NBN: variants seen among roughly 807,000 people sequenced by gnomAD.
NBN encodes nibrin, also known as Nijmegen breakage syndrome 1 (nibrin).
In NBN, 88 loss-of-function variants were observed where a neutral mutation model predicts 90.8. The ratio of observed to expected loss-of-function variants is 0.97; its 90% CI spans 0.82 to 1.16. NBN has a LOEUF of 1.16. Ranked by LOEUF, NBN falls within the 50% of genes most tolerant of loss-of-function variation. NBN has a pLI of 0.00. For missense variants in NBN, 894 were observed against 869.6 expected (o/e 1.03, Z -0.35); for synonymous variants, 328 against 295.1 (o/e 1.11, Z -1.14).
At chr8:89,950,969 G>A (rs991805803) in intron 11 of NBN, among the ~76,000 whole-genome samples, 13 of 151,978 alleles carry the variant, frequency 8.6e-5, no homozygotes, top group African/African-American at 3.1e-4. Flanking sequence ...ACCATTTCCA[G>A]ATAGATTTGT....
chr8:89,950,319 C>T (rs1810390297), intron 11 of NBN, among the ~76,000 whole-genome samples: 1 of 152,092 alleles, frequency 6.6e-6, no homozygotes. Context: ...TAGGCACATC[C>T]TCTCATATAC....
chr8:89,976,744 A>G (rs1165937183), intron 5 of NBN, among the ~76,000 whole-genome samples: 1 of 152,198 alleles, frequency 6.6e-6, no homozygotes, highest in African/African-American at 2.4e-5. Context: ...TCTGCGGGTC[A>G]GACCTGGCAC....
chr8:89,978,049 T>G (rs1371788788), intron 5 of NBN, among the ~76,000 whole-genome samples, 171 bp downstream of exon 5: 3 of 152,188 alleles, frequency 2.0e-5, no homozygotes, highest in African/African-American at 7.2e-5. Flanking sequence ...ACAAAGAAAT[T>G]TGGGGAACTC....
In NBN at chr8:89,946,217, T is replaced by C. The variant is rs1554556544; in HGVS notation, c.1993A>G (p.Lys665Glu). ...GATGGATTTCTGGAAGTAGAGTTTT[T>C]AATCACCAGTGATCTAAATTCAGTC... ...LLTEFRSLVI[K>E]NSTSRNPSGI... The change falls in exon 13 of 16, where the codon AAA becomes GAA. Residue 665 changes from lysine (K) to glutamate (E), a missense_variant. Coordinates refer to ENST00000265433, the MANE Select transcript of NBN (RefSeq NM_002485.5). The C allele has an allele frequency of 6.3e-7, 1 of 1,596,012 alleles. No individual in the cohort carries two copies. The highest frequency in any genetic ancestry group is 8.6e-7 in the Non-Finnish European group (1 of 1,163,884).
intron 7 of NBN, among the ~76,000 whole-genome samples, chr8:89,967,396 G>A (rs910383804): frequency 2.0e-5 from 3 of 152,190 alleles, no homozygotes; most frequent in Non-Finnish European, 2.9e-5. Context: ...GGGTAACCAC[G>A]TAAGTTATTT....
rs1317808216 is a variant in NBN at position 89,934,285 on chromosome 8, AT to A, written c.*1296del. 2 of 232,388 alleles carry A rather than the reference AT, an allele frequency of 8.6e-6. No individual in the cohort carries two copies. The highest frequency in any genetic ancestry group is 4.4e-5 in the African/African-American group (2 of 45,332). 14.4% of individuals were successfully genotyped at this position (232,388 alleles called of 1,614,324 possible). ...TATCCAATGTCATACCACTATCATA[AT>A]TTAAGTGTTCATAACTCTCTATAAT... On this transcript the variant is annotated 3_prime_UTR_variant, in exon 16 of 16. Transcript: ENST00000265433.
chr8:89,960,660 A>G (rs543187176), intron 8 of NBN, among the ~76,000 whole-genome samples: 4 of 152,098 alleles, frequency 2.6e-5, no homozygotes, highest in Non-Finnish European at 5.9e-5. Context: ...AATAATAATA[A>G]TAATAATAAG....
chr8:89,983,396 C>T lies in NBN; in HGVS notation c.38-541G>A, dbSNP rs146504421. ...GCAGTGAGCCGACACAGTGCCACTG[C>T]ACTCCAGCCTCGGTGACAGAGTGAG... is the stretch of plus-strand genomic sequence containing the variant. On this transcript the variant is annotated intron_variant, in intron 1 of 15. Transcript: ENST00000265433. Among the ~76,000 whole-genome samples, 4 of 151,260 alleles carry T rather than the reference C, an allele frequency of 2.6e-5. No individual in the cohort carries two copies. The East Asian group carries it at 7.8e-4, about 29-fold the overall frequency.
At chr8:89,980,648 A>G (rs1292849248) in intron 4 of NBN, 86 bp downstream of exon 4, 1 of 1,130,894 alleles carries the variant, frequency 8.8e-7, no homozygotes, top group Non-Finnish European at 1.3e-6. Context: ...ATAGTTTTAA[A>G]GTAATTAAAA....
chr8:89,934,944 C>T lies in NBN; in HGVS notation c.*638G>A, dbSNP rs976356195. 5.2e-5 allele frequency: 12 copies of T among 232,868 alleles called. No individual in the cohort carries two copies. In the East Asian group the frequency reaches 7.3e-4, roughly 14 times the overall value. The allele number at this position is 232,868 out of a possible 1,614,324, so 14.4% of individuals were successfully genotyped here. The stretch of plus-strand genomic sequence containing the variant: ...AAACTAAACCCATGTTTGATGAAGT[C>T]TCCACATGGTCTTCAGTTTCTAGTA... On this transcript the variant is annotated 3_prime_UTR_variant, in exon 16 of 16. Coordinates refer to ENST00000265433, the MANE Select transcript of NBN (RefSeq NM_002485.5).
rs751876787 is a variant in NBN, at chr8:89,955,359, T to C, written c.1321A>G (p.Lys441Glu). 1.9e-6 allele frequency: 3 copies of C among 1,613,762 alleles called. No individual in the cohort carries two copies. Among genetic ancestry groups the C allele is most frequent in the African/African-American group, 2.7e-5 (2 of 74,916 alleles). ...LSPTKLPSIN[K>E]SKDRASQQQQ... is the part of the protein sequence containing the mutation. Reference sequence around the variant, plus strand: ...TGCTGAGAAGCCCTATCTTTACTTTTATTTATACTTGGCAATTTAGTTGGT... The same window carrying C: ...TGCTGAGAAGCCCTATCTTTACTTTCATTTATACTTGGCAATTTAGTTGGT... Residue 441 changes from lysine (K) to glutamate (E), a missense_variant, in exon 10 of 16, where the codon AAA becomes GAA. Transcript: ENST00000265433.
intron 10 of NBN, among the ~76,000 whole-genome samples, chr8:89,954,575 A>T (rs1202258127): frequency 6.6e-6 from 1 of 152,138 alleles, no homozygotes; most frequent in African/African-American, 2.4e-5. Flanking sequence ...AGAGGACAGA[A>T]AAAGTTTTTA....
In NBN at chr8:89,965,165, G is replaced by A. The variant is rs537680216; in HGVS notation, c.897-658C>T. ...CACAGGCTTTTACAAACAAATCTAC[G>A]GATACTATGAGCCTAAGATGAAACT... On this transcript the variant is annotated intron_variant, in intron 7 of 15. Coordinates refer to ENST00000265433, the MANE Select transcript of NBN (RefSeq NM_002485.5). Among the ~76,000 whole-genome samples, 32 of 151,602 alleles carry A rather than the reference G, an allele frequency of 2.1e-4. No individual in the cohort carries two copies. The East Asian group carries it at 4.7e-3, about 22-fold the overall frequency.
chr8:89,977,337 T>C (rs1811811847), intron 5 of NBN, among the ~76,000 whole-genome samples: 1 of 152,112 alleles, frequency 6.6e-6, no homozygotes, highest in African/African-American at 2.4e-5. Context: ...TTTCTGTTCC[T>C]GTGTTAGTTT....
rs926315159 is a variant in NBN at position 89,934,255 on chromosome 8, T to A, written c.*1327A>T. ...TCAATTCTACTTCTAAAGTATCCCATGTTCTATCCAATGTCATACCACTAT... is the reference window on the plus strand; with the variant it reads ...TCAATTCTACTTCTAAAGTATCCCAAGTTCTATCCAATGTCATACCACTAT... On this transcript the variant is annotated 3_prime_UTR_variant, in exon 16 of 16. Coordinates refer to ENST00000265433, the MANE Select transcript of NBN (RefSeq NM_002485.5). 20 of 231,992 alleles carry A rather than the reference T, an allele frequency of 8.6e-5. No individual in the cohort carries two copies. The highest frequency in any genetic ancestry group is 4.4e-4 in the African/African-American group (20 of 45,278). The allele number at this position is 231,992 out of a possible 1,614,324, so 14.4% of individuals were successfully genotyped here.
rs760207156 is a variant in NBN, at chr8:89,937,043, A to G, written c.2217T>C (p.Leu739=). The G allele has an allele frequency of 3.7e-6, 6 of 1,612,276 alleles. No homozygotes were observed. In the African/African-American group the frequency reaches 4.0e-5, roughly 11 times the overall value. The change falls in exon 15 of 16, where the codon CTT becomes CTC. Residue 739 remains leucine (L), a synonymous_variant. Coordinates refer to ENST00000265433, the MANE Select transcript of NBN (RefSeq NM_002485.5). The stretch of plus-strand genomic sequence containing the variant: ...AACTTTACCTAAAAAGATCATCAGC[A>G]AGAGACTCTTCTTTTGCATGTTGAT... ...VQNQHAKEES[L]ADDLFRYNPY...
chr8:89,976,615 C>T (rs1811770951), intron 5 of NBN, among the ~76,000 whole-genome samples: 1 of 152,138 alleles, frequency 6.6e-6, no homozygotes, highest in African/African-American at 2.4e-5. Flanking sequence ...GTCGGGACCG[C>T]GGCTGCTAAC....
chr8:89,942,084 A>C (rs1267291636), intron 14 of NBN, among the ~76,000 whole-genome samples: 1 of 152,192 alleles, frequency 6.6e-6, no homozygotes, highest in Non-Finnish European at 1.5e-5. Context: ...GAGTGATACG[A>C]AAGAAAACCC....
rs886063169 is a variant in NBN at position 89,955,297 on chromosome 8, C to T, written c.1383G>A (p.Pro461=). The change falls in exon 10 of 16, where the codon CCG becomes CCA. Residue 461 remains proline (P), a synonymous_variant. Coordinates refer to ENST00000265433, the MANE Select transcript of NBN (RefSeq NM_002485.5). ...QTNSIRNYFQ[P]STKKRERDEE... is the part of the protein sequence containing the mutation. ...CAAAAACAGACCTTTTTTTGGTAGA[C>T]GGCTGAAAGTAGTTTCTGATGGAGT... The T allele has an allele frequency of 6.2e-6, 10 of 1,613,160 alleles. No homozygotes were observed. The highest frequency in any genetic ancestry group is 3.3e-5 in the South Asian group (3 of 91,040).
Sources: gnomAD v4.1 joint callset for allele counts (sites outside exome capture counted in the v4.1 genomes callset) on GRCh38, gnomAD v4.1.1 for gene constraint, MANE v1.5 for transcripts, NCBI Gene and HGNC (gene_info 2026-07-23, HGNC 2026-07-21) for gene names.